Variants in GRIK2 observed in about 807,000 individuals in gnomAD.
The protein encoded by GRIK2 is glutamate ionotropic receptor kainate type subunit 2.
GRIK2 carries 32 observed loss-of-function variants against 100.3 expected under a neutral mutation model. That is an observed-to-expected ratio of 0.32 (90% confidence interval 0.24 to 0.43). The LOEUF is 0.43. Among genes scored for constraint, GRIK2 ranks in the 20% least tolerant of loss-of-function variants. GRIK2 has a pLI of 1.00. For missense variants in GRIK2, 843 were observed against 1,114.9 expected, an observed-to-expected ratio of 0.76 and a Z score of 3.47; for synonymous variants, 417 against 389.4, an observed-to-expected ratio of 1.07 and a Z score of -0.83.
chr6:101,669,568 T>C (rs770225623), intron 4 of GRIK2, among the ~76,000 whole-genome samples: 5 of 152,106 alleles, frequency 3.3e-5, no homozygotes, highest in Non-Finnish European at 5.9e-5. Flanking sequence ...TTTTAGAACA[T>C]GATGAGTTGC....
chr6:101,510,558 T>C (rs768910787), intron 2 of GRIK2, among the ~76,000 whole-genome samples: 2 of 126,946 alleles, frequency 1.6e-5, no homozygotes, highest in Non-Finnish European at 3.1e-5. Flanking sequence ...AGTCTCACAC[T>C]GTAGGCTGGG....
chr6:101,454,181 A>T (rs528556321), intron 2 of GRIK2, among the ~76,000 whole-genome samples: 1 of 152,138 alleles, frequency 6.6e-6, no homozygotes, highest in South Asian at 2.1e-4. Flanking sequence ...ATCATCATCA[A>T]CTGACCATTT....
At chr6:101,703,845 G>A (rs1402299594) in intron 7 of GRIK2, among the ~76,000 whole-genome samples, 2 of 151,012 alleles carry the variant, frequency 1.3e-5, no homozygotes, top group Non-Finnish European at 3.0e-5. Context: ...AAAAAAAAAA[G>A]AAGACAGAGT....
rs1021513511 is a variant in GRIK2 at position 101,780,856 on chromosome 6, G to A, written c.952-18792G>A. Among the ~76,000 whole-genome samples, 47 of 152,228 alleles carry A rather than the reference G, an allele frequency of 3.1e-4. No individual in the cohort carries two copies. The South Asian group carries it at 4.8e-3, about 15-fold the overall frequency. On this transcript the variant is annotated intron_variant, in intron 7 of 16. Coordinates refer to ENST00000369134, the MANE Select transcript of GRIK2 (RefSeq NM_021956.5). The stretch of plus-strand genomic sequence containing the variant: ...GGCCTTTGCCCTTTGAAAACCTCCC[G>A]AGCAGCAACTGGATAGAAGCAAACT...
rs576666204 is a variant in GRIK2, at chr6:101,572,401, TTTG to T, written c.116-49542_116-49540del. ...TGCAATCATTGTGATAACACTAGTTTTTGTTGTTAATGTTTTACTGTAAGTGTG... is the reference window on the plus strand; with the variant it reads ...TGCAATCATTGTGATAACACTAGTTTTTGTTAATGTTTTACTGTAAGTGTG... On this transcript the variant is annotated intron_variant, in intron 2 of 16. Transcript: ENST00000369134. Among the ~76,000 whole-genome samples the T allele has an allele frequency of 3.8e-3, 575 of 152,256 alleles. 3 individuals are homozygous for T. The highest frequency in any genetic ancestry group is 0.013 in the African/African-American group (552 of 41,566).
At chr6:101,892,703 G>A (rs528939824) in intron 12 of GRIK2, among the ~76,000 whole-genome samples, 1 of 151,750 alleles carries the variant, frequency 6.6e-6, no homozygotes, top group African/African-American at 2.4e-5. Context: ...AATAGATATT[G>A]CATTAAGTAA....
intron 4 of GRIK2, among the ~76,000 whole-genome samples, chr6:101,645,431 G>A (rs1398319787): frequency 6.6e-6 from 1 of 151,752 alleles, no homozygotes; most frequent in Non-Finnish European, 1.5e-5. Flanking sequence ...ACATAACAAG[G>A]TTGTTTTGAA....
chr6:101,954,140 G>T lies in GRIK2; in HGVS notation c.2085+25508G>T, dbSNP rs191782348. Among the ~76,000 whole-genome samples, 949 of 152,090 alleles carry T rather than the reference G, an allele frequency of 6.2e-3. 10 individuals are homozygous for T. Among genetic ancestry groups the T allele is most frequent in the Non-Finnish European group, 8.3e-3 (566 of 67,936 alleles). On this transcript the variant is annotated intron_variant, in intron 14 of 16. Coordinates refer to ENST00000369134, the MANE Select transcript of GRIK2 (RefSeq NM_021956.5). ...TCTATCCATATCTACATACCACATG[G>T]TCTTGCTTACTGTAGTTTGGAAATT...
intron 8 of GRIK2, among the ~76,000 whole-genome samples, chr6:101,801,486 T>C (rs1780665795): frequency 6.6e-6 from 1 of 152,034 alleles, no homozygotes; most frequent in Non-Finnish European, 1.5e-5. Flanking sequence ...GTAATATTAA[T>C]TTCAAATCCT....
intron 14 of GRIK2, among the ~76,000 whole-genome samples, chr6:101,968,778 A>T (rs373205684): frequency 6.6e-6 from 1 of 151,942 alleles, no homozygotes; most frequent in East Asian, 1.9e-4. Flanking sequence ...TCACTGTGGC[A>T]TACACAAAAA....
chr6:101,997,636 T>C (rs1794718517), intron 14 of GRIK2, among the ~76,000 whole-genome samples: 1 of 152,096 alleles, frequency 6.6e-6, no homozygotes, highest in African/African-American at 2.4e-5. Context: ...TCCTAATCAA[T>C]TTGTGGTGCC....
intron 7 of GRIK2, among the ~76,000 whole-genome samples, chr6:101,757,892 T>A (rs898518411): frequency 6.6e-6 from 1 of 152,248 alleles, no homozygotes; most frequent in South Asian, 2.1e-4. Flanking sequence ...CTGCTTAGAA[T>A]TGATATCTGA....
In GRIK2 at chr6:101,781,058, CT is replaced by C. The variant is rs548152853; in HGVS notation, c.952-18585del. Among the ~76,000 whole-genome samples, 8 of 152,180 alleles carry C rather than the reference CT, an allele frequency of 5.3e-5. No homozygotes were observed. The East Asian group carries it at 1.5e-3, about 29-fold the overall frequency. ...TTAGAATTATATGATTCTATAATTTCTTTTTGTAATCTAATTTGTATTTGTT... is the reference window on the plus strand; with the variant it reads ...TTAGAATTATATGATTCTATAATTTCTTTTGTAATCTAATTTGTATTTGTT... On this transcript the variant is annotated intron_variant, in intron 7 of 16. Coordinates refer to ENST00000369134, the MANE Select transcript of GRIK2 (RefSeq NM_021956.5).
At chr6:101,958,031 A>C (rs1484134904) in intron 14 of GRIK2, among the ~76,000 whole-genome samples, 1 of 151,910 alleles carries the variant, frequency 6.6e-6, no homozygotes, top group Non-Finnish European at 1.5e-5. Context: ...TCATATTAAT[A>C]CTATGATTGT....
intron 2 of GRIK2, among the ~76,000 whole-genome samples, chr6:101,463,247 G>A (rs928934601): frequency 6.6e-6 from 1 of 151,950 alleles, no homozygotes; most frequent in African/African-American, 2.4e-5. Flanking sequence ...AAAAGTATGA[G>A]TTAAAAAAAG....
At chr6:101,797,691 T>C (rs1214668216) in intron 7 of GRIK2, among the ~76,000 whole-genome samples, 2 of 146,932 alleles carry the variant, frequency 1.4e-5, no homozygotes, top group Admixed American at 6.9e-5. Flanking sequence ...ATATATTTTT[T>C]TTATGTATAT....
intron 12 of GRIK2, among the ~76,000 whole-genome samples, chr6:101,903,788 A>AC (rs1265941106): frequency 2.0e-5 from 3 of 151,044 alleles, no homozygotes; most frequent in Admixed American, 6.6e-5. Flanking sequence ...TTGGAGCAAA[A>AC]AAAAAAATAA....
chr6:101,400,223 CA>C (rs1483750255), intron 2 of GRIK2, among the ~76,000 whole-genome samples: 2 of 152,146 alleles, frequency 1.3e-5, no homozygotes, highest in African/African-American at 4.8e-5. Context: ...TAGGTAGTTA[CA>C]TTTTTTTATG....
At chr6:101,915,319 C>T (rs986671640) in intron 12 of GRIK2, among the ~76,000 whole-genome samples, 8 of 151,040 alleles carry the variant, frequency 5.3e-5, no homozygotes, top group East Asian at 1.9e-4. Flanking sequence ...ACATAAACTA[C>T]GTATTTGGAA....
Sources: gnomAD v4.1 joint callset for allele counts (sites outside exome capture counted in the v4.1 genomes callset) on GRCh38, gnomAD v4.1.1 for gene constraint, MANE v1.5 for transcripts, NCBI Gene and HGNC (gene_info 2026-07-23, HGNC 2026-07-21) for gene names.